PCSK7: variants seen among roughly 807,000 people sequenced by gnomAD.
The protein encoded by PCSK7 is proprotein convertase subtilisin/kexin type 7.
A neutral mutation model predicts 73.3 loss-of-function variants in PCSK7; 38 were observed. That is an observed-to-expected ratio of 0.52 (90% CI 0.40 to 0.68). PCSK7 has a LOEUF of 0.68. Ranked by LOEUF, PCSK7 falls within the 30% of genes least tolerant of loss-of-function variation. The pLI is 0.00. For synonymous variants in PCSK7, 296 were observed against 383.8 expected (o/e 0.77, Z 2.68); for missense variants, 692 against 991.5 (o/e 0.70, Z 4.06).
chr11:117,230,855 A>G (rs2032625853), intron 1 of PCSK7, among the ~76,000 whole-genome samples: 1 of 152,148 alleles, frequency 6.6e-6, no homozygotes, highest in Non-Finnish European at 1.5e-5. Flanking sequence ...GAAACGGGGA[A>G]AGCCAGAGAG....
At chr11:117,215,396 A>ATATG (rs2031934673) in intron 12 of PCSK7, 6 of 60,880 alleles carry the variant, frequency 9.9e-5, no homozygotes, top group African/African-American at 8.4e-4. Context: ...ATATATATAT[A>ATATG]TATATATATA....
chr11:117,223,943 G>A, intron 8 of PCSK7, 135 bp downstream of exon 8: 1 of 893,168 alleles, frequency 1.1e-6, no homozygotes, highest in Non-Finnish European at 1.8e-6. Context: ...TCTGCAAGCA[G>A]GGCTAGTCCT....
At chr11:117,231,037 G>C (rs1204107336) in intron 1 of PCSK7, 1 of 144,988 alleles carries the variant, frequency 6.9e-6, no homozygotes, top group East Asian at 2.0e-4. Flanking sequence ...CAGAACCAGG[G>C]AATTGGTCTC....
Position 117,218,776 on chromosome 11 carries a change from G to C in PCSK7, c.1432-208C>G, listed in dbSNP as rs1237145907. 1 of 567,696 alleles carries C rather than the reference G, an allele frequency of 1.8e-6. No homozygotes were observed. The highest frequency in any genetic ancestry group is 1.9e-5 in the African/African-American group (1 of 53,262). The allele number at this position is 567,696 out of a possible 1,614,324, so 35.2% of individuals were successfully genotyped here. A position where few individuals can be genotyped will look rare whatever the true frequency, so the allele number is the denominator to read the frequency against. On this transcript the variant is annotated intron_variant, in intron 11 of 16. Transcript: ENST00000320934. This position sits in a 1 kb window ranked among gnomAD's most constrained non-coding sequence, Gnocchi z 4.0. ...CCCAGCTAAGGAACCAGAGGAAACA[G>C]CTGTGTCCAGGGTGGAGGAGGGGAA...
intron 12 of PCSK7, chr11:117,213,976 T>TTTTTTTTTTATTTTTTTTTG (rs36106425): frequency 7.6e-6 from 1 of 131,358 alleles, no homozygotes; most frequent in Non-Finnish European, 1.5e-5. Flanking sequence ...TTTTTTTTTT[T>TTTTTTTTTTATTTTTTTTTG]AGACGGAGTC....
intron 1 of PCSK7, chr11:117,231,677 C>T (rs1167204078): frequency 6.6e-6 from 1 of 152,294 alleles, no homozygotes; most frequent in South Asian, 2.1e-4. Flanking sequence ...CCCTTTACAG[C>T]TCTTAATTGA....
chr11:117,228,601 A>ATGATACAC, intron 3 of PCSK7, among the ~76,000 whole-genome samples: 1 of 149,450 alleles, frequency 6.7e-6, no homozygotes, highest in East Asian at 2.0e-4. Flanking sequence ...GAAGGGTTGG[A>ATGATACAC]TGATACACTT....
chr11:117,210,097 A>C (rs376433036), intron 12 of PCSK7: 1 of 152,202 alleles, frequency 6.6e-6, no homozygotes. Flanking sequence ...ACGCGCATAC[A>C]CAAATATTGA....
chr11:117,212,845 C>T (rs2031795410), intron 12 of PCSK7: 1 of 152,176 alleles, frequency 6.6e-6, no homozygotes, highest in Non-Finnish European at 1.5e-5. Flanking sequence ...TCCCTAGTAG[C>T]TGGGAACTGT....
chr11:117,219,520 C>A, intron 10 of PCSK7, 71 bp downstream of exon 10: 1 of 1,428,222 alleles, frequency 7.0e-7, no homozygotes, highest in Non-Finnish European at 9.7e-7. Flanking sequence ...CATTGAGAAT[C>A]TAAGGCCACC....
Position 117,204,590 on chromosome 11 carries a change from C to T in PCSK7, c.*1407G>A. On this transcript the variant is annotated 3_prime_UTR_variant, in exon 17 of 17. Coordinates refer to ENST00000320934, the MANE Select transcript of PCSK7 (RefSeq NM_004716.4). ...GCCTTGGCCCCTCCCTCCCGGCTGCCCCCATCACCTCTACTGTCTCCTCCC... is the reference window on the plus strand; with the variant it reads ...GCCTTGGCCCCTCCCTCCCGGCTGCTCCCATCACCTCTACTGTCTCCTCCC... 1 of 655,600 alleles carries T rather than the reference C, an allele frequency of 1.5e-6. No individual in the cohort carries two copies. Among genetic ancestry groups the T allele is most frequent in the South Asian group, 1.6e-5 (1 of 60,686 alleles). 40.6% of individuals were successfully genotyped at this position (655,600 alleles called of 1,614,324 possible). A position where few individuals can be genotyped will look rare whatever the true frequency, so the allele number is the denominator to read the frequency against.
At chr11:117,219,991 G>A (rs1418233768) in intron 9 of PCSK7, 3 of 373,064 alleles carry the variant, frequency 8.0e-6, no homozygotes, top group Non-Finnish European at 1.4e-5. Context: ...GTTCAAAGTT[G>A]TTATGGGGGA....
Position 117,219,184 on chromosome 11 carries a change from G to A in PCSK7, c.1324-20C>T, listed in dbSNP as rs1336701740. 5 of 1,552,094 alleles carry A rather than the reference G, an allele frequency of 3.2e-6. No individual in the cohort carries two copies. In the South Asian group the frequency reaches 5.7e-5, roughly 18 times the overall value. ...CTCATACTGAAAGGACAGAGGTCCT[G>A]GTTAGTCTCTTGCATTGCCAGTGTA... On this transcript the variant is annotated intron_variant, in intron 10 of 16. Transcript: ENST00000320934.
In PCSK7 at chr11:117,224,565, G is replaced by A. The variant is rs1054634672; in HGVS notation, c.915+136C>T. ...AAACGTCCCCTAGGCTTCCTGCCCCGACGTTAGGTGTTCTCTTCCTGAAAG... is the reference window on the plus strand; with the variant it reads ...AAACGTCCCCTAGGCTTCCTGCCCCAACGTTAGGTGTTCTCTTCCTGAAAG... On this transcript the variant is annotated intron_variant, in intron 7 of 16. Coordinates refer to ENST00000320934, the MANE Select transcript of PCSK7 (RefSeq NM_004716.4). The A allele has an allele frequency of 1.3e-4, 98 of 780,598 alleles. No homozygotes were observed. The East Asian group carries it at 2.1e-3, about 17-fold the overall frequency. 48.4% of individuals were successfully genotyped at this position (780,598 alleles called of 1,614,324 possible).
chr11:117,227,424 T>C (rs887136705), intron 4 of PCSK7, 102 bp from the exon 5 acceptor site: 2 of 863,970 alleles, frequency 2.3e-6, no homozygotes, highest in East Asian at 4.8e-5. Flanking sequence ...GAATCGAAGC[T>C]AGGGCGATAA....
In PCSK7 at chr11:117,205,604, C is replaced by G. The variant is rs1029229204; in HGVS notation, c.*393G>C. On this transcript the variant is annotated 3_prime_UTR_variant, in exon 17 of 17. Coordinates refer to ENST00000320934, the MANE Select transcript of PCSK7 (RefSeq NM_004716.4). Reference sequence around the variant, plus strand: ...CCCCGAAGTCCTCTTCCCAAGTGACCCCAGTGATGTTTCCATTGAGATGCG... The same window carrying G: ...CCCCGAAGTCCTCTTCCCAAGTGACGCCAGTGATGTTTCCATTGAGATGCG... 1 of 244,082 alleles carries G rather than the reference C, an allele frequency of 4.1e-6. No homozygotes were observed. Among genetic ancestry groups the G allele is most frequent in the Non-Finnish European group, 7.9e-6 (1 of 125,898 alleles). 15.1% of individuals were successfully genotyped at this position (244,082 alleles called of 1,614,324 possible).
chr11:117,231,469 T>C (rs2032661621), intron 1 of PCSK7, among the ~76,000 whole-genome samples: 1 of 152,154 alleles, frequency 6.6e-6, no homozygotes, highest in Non-Finnish European at 1.5e-5. Flanking sequence ...ACAAAACCCT[T>C]GTTAGCCAGA....
intron 12 of PCSK7, chr11:117,210,869 G>A (rs2031698883): frequency 6.6e-6 from 1 of 152,200 alleles, no homozygotes; most frequent in Admixed American, 6.5e-5. Flanking sequence ...CCAGGAGGTT[G>A]AGGCTGCAGT....
chr11:117,213,982 G>A (rs1365801012), intron 12 of PCSK7: 5 of 102,774 alleles, frequency 4.9e-5, no homozygotes, highest in African/African-American at 1.3e-4. Context: ...TTTTTAGACG[G>A]AGTCTTGCTC....
Sources: gnomAD v4.1 joint callset for allele counts (sites outside exome capture counted in the v4.1 genomes callset) on GRCh38, gnomAD v4.1.1 for gene constraint, Gnocchi (gnomAD v3.1) non-coding constraint, MANE v1.5 for transcripts, NCBI Gene and HGNC (gene_info 2026-07-23, HGNC 2026-07-21) for gene names.